ATP2C2: variants seen among roughly 807,000 people sequenced by gnomAD.
The protein encoded by ATP2C2 is ATPase secretory pathway Ca2+ transporting 2, also known as calcium-transporting ATPase type 2C member 2.
Under a neutral mutation model 110.8 loss-of-function variants are expected in ATP2C2, and 171 were observed. The observed-to-expected ratio is 1.54, with a 90% confidence interval of 1.36 to 1.75. The LOEUF is 1.75. Ranked by LOEUF, ATP2C2 falls within the 40% of genes most tolerant of loss-of-function variation. The probability of loss-of-function intolerance (pLI) is 0.00; values close to 1 mark genes in which losing one functional copy is unlikely to be tolerated. For synonymous variants in ATP2C2, 804 were observed against 508.4 expected (o/e 1.58, Z -7.82); for missense variants, 1,963 against 1,235.0 (o/e 1.59, Z -8.84).
chr16:84,383,122 T>C (rs1398341694), intron 1 of ATP2C2, among the ~76,000 whole-genome samples: 5 of 152,180 alleles, frequency 3.3e-5, no homozygotes, highest in Non-Finnish European at 5.9e-5. Context: ...CCTTGTCATC[T>C]TGGGCACAGC....
chr16:84,385,769 A>C (rs1436980660), intron 1 of ATP2C2, among the ~76,000 whole-genome samples: 1 of 152,180 alleles, frequency 6.6e-6, no homozygotes, highest in Admixed American at 6.5e-5. Context: ...AAACCATCAG[A>C]TCTTGTGAGA....
intron 15 of ATP2C2, among the ~76,000 whole-genome samples, chr16:84,446,020 G>A (rs1353661297): frequency 1.3e-5 from 2 of 152,214 alleles, no homozygotes. Context: ...TTCCGTCTGA[G>A]AAATTGCTAC....
At chr16:84,381,894 C>T (rs975265087) in intron 1 of ATP2C2, among the ~76,000 whole-genome samples, 3 of 152,198 alleles carry the variant, frequency 2.0e-5, no homozygotes, top group Admixed American at 6.5e-5. Context: ...TGCCCAGGGT[C>T]ACACAGCTCT....
chr16:84,394,524 C>G (rs1166713552), intron 1 of ATP2C2, among the ~76,000 whole-genome samples: 1 of 152,054 alleles, frequency 6.6e-6, no homozygotes, highest in South Asian at 2.1e-4. Flanking sequence ...GTGTGTTTCC[C>G]AGGGCTATGG....
rs536110074 is a variant in ATP2C2 at position 84,388,920 on chromosome 16, C to T, written c.100-9579C>T. ...CTGAGTAGCTGGGGCTACAGGTGGG[C>T]GCCACCATGCTCGGCTAATTTTTGT... On this transcript the variant is annotated intron_variant, in intron 1 of 26. Coordinates refer to ENST00000262429, the MANE Select transcript of ATP2C2 (RefSeq NM_014861.4). Among the ~76,000 whole-genome samples, 513 of 152,022 alleles carry T rather than the reference C, an allele frequency of 3.4e-3. 5 individuals are homozygous for T. Among genetic ancestry groups the T allele is most frequent in the African/African-American group, 0.011 (470 of 41,452 alleles).
chr16:84,451,955 G>GC lies in ATP2C2; in HGVS notation c.1696dup (p.Leu566ProfsTer11). 1 of 1,614,076 alleles carries GC rather than the reference G, an allele frequency of 6.2e-7. No individual in the cohort carries two copies. The highest frequency in any genetic ancestry group is 8.5e-7 in the Non-Finnish European group (1 of 1,180,020). On this transcript the variant is annotated frameshift_variant, in exon 18 of 27. Transcript: ENST00000262429. LOFTEE classifies it high-confidence loss of function. ...TGGCTTCTGGGCCCGAGCTGGGGCG[G>GC]CTGACGTTTCTCGGTCTTGTGGGCA... is the stretch of plus-strand genomic sequence containing the variant.
chr16:84,397,448 C>G (rs990415746), intron 1 of ATP2C2, among the ~76,000 whole-genome samples: 10 of 151,484 alleles, frequency 6.6e-5, no homozygotes, highest in Non-Finnish European at 1.3e-4. Flanking sequence ...TGTCCACTTA[C>G]AAGTTTCAAT....
At chr16:84,389,327 C>G (rs1032620364) in intron 1 of ATP2C2, among the ~76,000 whole-genome samples, 2 of 152,254 alleles carry the variant, frequency 1.3e-5, no homozygotes, top group Admixed American at 6.5e-5. Context: ...GCGATCTGCA[C>G]TGGGGCCCGC....
At chr16:84,368,858 A>C in intron 1 of ATP2C2, 144 bp downstream of exon 1, 1 of 719,108 alleles carries the variant, frequency 1.4e-6, no homozygotes, top group Non-Finnish European at 2.2e-6. Context: ...AGCTGTCCTC[A>C]CAGCAACCGC....
At chr16:84,411,092 TC>T (rs1011165884) in intron 6 of ATP2C2, among the ~76,000 whole-genome samples, 6 of 152,120 alleles carry the variant, frequency 3.9e-5, no homozygotes, top group African/African-American at 1.4e-4. Flanking sequence ...GTGCATTTTT[TC>T]TAGGGAGAGG....
chr16:84,408,355 C>G (rs377028682), intron 3 of ATP2C2, 50 bp from the exon 4 acceptor site: 20 of 1,554,222 alleles, frequency 1.3e-5, no homozygotes, highest in East Asian at 2.2e-5. Flanking sequence ...GAAACCCATT[C>G]TGGTCCCTGA....
chr16:84,417,006 G>C (rs1052703752), intron 7 of ATP2C2, among the ~76,000 whole-genome samples: 16 of 152,224 alleles, frequency 1.1e-4, no homozygotes, highest in East Asian at 1.9e-4. Context: ...GAGGCAGAGA[G>C]AGGCCGTATG....
chr16:84,381,224 A>G (rs1004027746), intron 1 of ATP2C2, among the ~76,000 whole-genome samples: 13 of 152,214 alleles, frequency 8.5e-5, no homozygotes, highest in African/African-American at 3.1e-4. Context: ...GGGAGATTAC[A>G]AAGTACATTG....
At chr16:84,392,494 C>G (rs1352937903) in intron 1 of ATP2C2, among the ~76,000 whole-genome samples, 1 of 152,072 alleles carries the variant, frequency 6.6e-6, no homozygotes, top group Non-Finnish European at 1.5e-5. Flanking sequence ...TGGAATTCTG[C>G]TCTTGTTGCC....
chr16:84,374,507 T>G (rs1229601769), intron 1 of ATP2C2, among the ~76,000 whole-genome samples: 1 of 152,176 alleles, frequency 6.6e-6, no homozygotes, highest in Non-Finnish European at 1.5e-5. Context: ...CTCCTGAGAA[T>G]ACGTCTGAAG....
In ATP2C2 at chr16:84,448,707, C is replaced by T. The variant is rs148131620; in HGVS notation, c.1660+18C>T. 5.9e-5 allele frequency: 94 copies of T among 1,599,160 alleles called. 1 individual carries two copies. The East Asian group carries it at 9.0e-4, about 15-fold the overall frequency. On this transcript the variant is annotated intron_variant, in intron 17 of 26. Coordinates refer to ENST00000262429, the MANE Select transcript of ATP2C2 (RefSeq NM_014861.4). ...TTTGCGGGGTCAGTGCCTGTGGTCC[C>T]GGCCCAGAGCTTTAAGCTTGCATGT...
At position 84,383,817 on chromosome 16, in the gene ATP2C2, G is replaced by A. The variant is rs184091527; in HGVS notation, c.100-14682G>A. Reference sequence around the variant, plus strand: ...TTTTTTTTTTTTTTTTTGAGACAGCGTCTTACTCTTTTCACCCGGCTGAGA... The same window carrying A: ...TTTTTTTTTTTTTTTTTGAGACAGCATCTTACTCTTTTCACCCGGCTGAGA... On this transcript the variant is annotated intron_variant, in intron 1 of 26. Transcript: ENST00000262429. Among the ~76,000 whole-genome samples the A allele has an allele frequency of 5.5e-4, 69 of 124,442 alleles. 1 individual carries two copies. The East Asian group carries it at 0.012, about 21-fold the overall frequency. 81.6% of individuals were successfully genotyped at this position (124,442 alleles called of 152,430 possible). A position where few individuals can be genotyped will look rare whatever the true frequency, so the allele number is the denominator to read the frequency against.
chr16:84,413,117 T>C (rs536396985), intron 6 of ATP2C2, among the ~76,000 whole-genome samples: 16 of 147,836 alleles, frequency 1.1e-4, no homozygotes, highest in Non-Finnish European at 1.5e-4. Flanking sequence ...AAAAAAAAAG[T>C]ATCTCATGGT....
intron 13 of ATP2C2, among the ~76,000 whole-genome samples, chr16:84,439,884 G>A (rs570378935): frequency 5.3e-4 from 81 of 152,340 alleles, no homozygotes; most frequent in Non-Finnish European, 9.0e-4. Flanking sequence ...CACCCAGGCT[G>A]GAATGCAGTG....
Sources: gnomAD v4.1 joint callset for allele counts (sites outside exome capture counted in the v4.1 genomes callset) on GRCh38, gnomAD v4.1.1 for gene constraint, MANE v1.5 for transcripts, NCBI Gene and HGNC (gene_info 2026-07-23, HGNC 2026-07-21) for gene names.